Variants in MROH1 observed in about 807,000 individuals in gnomAD.
MROH1 encodes maestro heat-like repeat-containing protein family member 1.
A neutral mutation model predicts 116.5 loss-of-function variants in MROH1; 117 were observed. The observed-to-expected ratio is 1.00, with a 90% CI of 0.86 to 1.17. MROH1 has a LOEUF of 1.17. Ranked by LOEUF, MROH1 falls within the 50% of genes most tolerant of loss-of-function variation. The probability of loss-of-function intolerance (pLI) is 0.00; values close to 1 mark genes in which losing one functional copy is unlikely to be tolerated. For synonymous variants in MROH1, 921 were observed against 583.9 expected, an observed-to-expected ratio of 1.58 and a Z score of -8.32; for missense variants, 1,873 against 1,338.5, an observed-to-expected ratio of 1.40 and a Z score of -6.23.
chr8:144,249,037 A>G lies in MROH1; in HGVS notation c.3273+8A>G. The G allele has an allele frequency of 1.7e-6, 1 of 591,632 alleles. No individual in the cohort carries two copies. The highest frequency in any genetic ancestry group is 2.2e-5 in the Admixed American group (1 of 44,624). The allele number at this position is 591,632 out of a possible 1,614,324, so 36.6% of individuals were successfully genotyped here. ...GGTGTGCTCCAGGAGAAGGTGGGAG[A>G]GGGCGGGGCGCGGGGGGTGCTCCAG... On this transcript the variant is annotated splice_region_variant and intron_variant, in intron 32 of 43. Transcript: ENST00000326134.
At chr8:144,185,400 T>C (rs960611413) in intron 7 of MROH1, among the ~76,000 whole-genome samples, 10 of 151,740 alleles carry the variant, frequency 6.6e-5, no homozygotes, top group African/African-American at 2.4e-4. Flanking sequence ...TATACCTAGT[T>C]CTTTGAAATA....
chr8:144,259,239 G>A lies in MROH1; in HGVS notation c.3930-1G>A. 1 of 713,532 alleles carries A rather than the reference G, an allele frequency of 1.4e-6. No individual in the cohort carries two copies. The highest frequency in any genetic ancestry group is 2.6e-6 in the Non-Finnish European group (1 of 384,840). The allele number at this position is 713,532 out of a possible 1,614,324, so 44.2% of individuals were successfully genotyped here. ...GCACCCTCAGCGGCCCCCTTTCCCAGGGCCATGGCTGAGCACGCAGGGCCC... is the reference window on the plus strand; with the variant it reads ...GCACCCTCAGCGGCCCCCTTTCCCAAGGCCATGGCTGAGCACGCAGGGCCC... On this transcript the variant is annotated splice_acceptor_variant, in intron 36 of 43. Coordinates refer to ENST00000326134, the MANE Select transcript of MROH1 (RefSeq NM_032450.3). LOFTEE classifies it high-confidence loss of function.
chr8:144,245,129 T>C (rs1588456925), intron 28 of MROH1, 27 bp from the exon 29 acceptor site: 2 of 778,608 alleles, frequency 2.6e-6, no homozygotes, highest in East Asian at 4.8e-5. Flanking sequence ...CTCTGAGCAG[T>C]ACCTGTGTGA....
intron 12 of MROH1, among the ~76,000 whole-genome samples, chr8:144,214,716 C>T (rs1442333697): frequency 2.0e-5 from 3 of 152,152 alleles, no homozygotes; most frequent in Non-Finnish European, 4.4e-5. Flanking sequence ...GGCAACTGCT[C>T]ATGGCTCATG....
intron 12 of MROH1, among the ~76,000 whole-genome samples, chr8:144,215,015 T>C (rs1462413785): frequency 6.6e-6 from 1 of 152,180 alleles, no homozygotes; most frequent in African/African-American, 2.4e-5. Context: ...CCCGCATTTA[T>C]TCTGGCCATG....
intron 13 of MROH1, among the ~76,000 whole-genome samples, chr8:144,221,624 G>A (rs1272212849): frequency 6.6e-6 from 1 of 151,976 alleles, no homozygotes; most frequent in Non-Finnish European, 1.5e-5. Context: ...CATCTGTTGC[G>A]GTGCTCCTTA....
chr8:144,164,481 T>G (rs927050743), intron 3 of MROH1, among the ~76,000 whole-genome samples: 1 of 151,520 alleles, frequency 6.6e-6, no homozygotes, highest in Non-Finnish European at 1.5e-5. Flanking sequence ...CATGGCTCAC[T>G]GCAGCCTCAA....
At chr8:144,219,399 C>A (rs539500112) in intron 12 of MROH1, among the ~76,000 whole-genome samples, 1 of 152,294 alleles carries the variant, frequency 6.6e-6, no homozygotes, top group East Asian at 1.9e-4. Flanking sequence ...CTCAAGTGAT[C>A]TGCCCACCTT....
intron 1 of MROH1, among the ~76,000 whole-genome samples, chr8:144,152,398 T>G (rs933233660): frequency 6.6e-6 from 1 of 152,056 alleles, no homozygotes. Context: ...AAAAAATTTT[T>G]TTTTTTTTTG....
chr8:144,196,056 C>T (rs1038733490), intron 10 of MROH1, among the ~76,000 whole-genome samples: 102 of 151,790 alleles, frequency 6.7e-4, no homozygotes, highest in African/African-American at 2.2e-3. Context: ...TTTGGGAGGC[C>T]GAGGCGGGCA....
At chr8:144,243,436 GCGGGTTCA>G in intron 24 of MROH1, 50 bp from the exon 25 acceptor site, 1 of 772,232 alleles carries the variant, frequency 1.3e-6, no homozygotes, top group Non-Finnish European at 2.4e-6. Flanking sequence ...GGGGGTATGC[GCGGGTTCA>G]GCCCTGGAGG....
At chr8:144,201,819 G>A (rs1053035130) in intron 12 of MROH1, among the ~76,000 whole-genome samples, 1 of 151,914 alleles carries the variant, frequency 6.6e-6, no homozygotes, top group Non-Finnish European at 1.5e-5. Context: ...TCAAGACCAG[G>A]CTGGCCAACA....
intron 29 of MROH1, 127 bp from the exon 30 acceptor site, chr8:144,247,174 G>C (rs1842060989): frequency 1.5e-6 from 1 of 673,436 alleles, no homozygotes; most frequent in South Asian, 1.6e-5. Context: ...GCCACACTGA[G>C]GGCCCAGGGC....
At chr8:144,220,870 C>G (rs1476604044) in intron 13 of MROH1, among the ~76,000 whole-genome samples, 197 bp downstream of exon 13, 2 of 152,162 alleles carry the variant, frequency 1.3e-5, no homozygotes, top group Non-Finnish European at 1.5e-5. Flanking sequence ...GGAAACAGTC[C>G]CCAAGGCCAC....
intron 13 of MROH1, among the ~76,000 whole-genome samples, chr8:144,221,755 A>G (rs1228208121): frequency 6.6e-6 from 1 of 152,136 alleles, no homozygotes; most frequent in Non-Finnish European, 1.5e-5. Flanking sequence ...CAGTCTGGGC[A>G]GTCTGAGACC....
chr8:144,216,292 G>A (rs1374054304), intron 12 of MROH1, among the ~76,000 whole-genome samples: 2 of 151,284 alleles, frequency 1.3e-5, no homozygotes, highest in Non-Finnish European at 2.9e-5. Context: ...GGTTAACACA[G>A]TGAAACCCCA....
At chr8:144,198,430 T>A (rs1394560959) in intron 10 of MROH1, among the ~76,000 whole-genome samples, 1 of 152,142 alleles carries the variant, frequency 6.6e-6, no homozygotes, top group Non-Finnish European at 1.5e-5. Flanking sequence ...TGTTTGTTCA[T>A]TTGTTTGAGA....
chr8:144,242,587 C>G lies in MROH1; in HGVS notation c.2326-15C>G. 2.6e-6 allele frequency: 2 copies of G among 780,286 alleles called. No homozygotes were observed. Among genetic ancestry groups the G allele is most frequent in the Non-Finnish European group, 4.8e-6 (2 of 417,644 alleles). 48.3% of individuals were successfully genotyped at this position (780,286 alleles called of 1,614,324 possible). ...GGGAGTCACGTCTTAACTCATTTCA[C>G]TTTTTGTTGTTCAGGTTCTAGGAAT... is the stretch of plus-strand genomic sequence containing the variant. On this transcript the variant is annotated splice_polypyrimidine_tract_variant and intron_variant, in intron 23 of 43. Coordinates refer to ENST00000326134, the MANE Select transcript of MROH1 (RefSeq NM_032450.3).
chr8:144,219,808 A>G (rs558955904), intron 12 of MROH1, among the ~76,000 whole-genome samples: 2 of 152,338 alleles, frequency 1.3e-5, no homozygotes, highest in Non-Finnish European at 2.9e-5. Flanking sequence ...TGTTCTACCC[A>G]GGTGTGCCTG....
Sources: gnomAD v4.1 joint callset for allele counts (sites outside exome capture counted in the v4.1 genomes callset) on GRCh38, gnomAD v4.1.1 for gene constraint, MANE v1.5 for transcripts, NCBI Gene and HGNC (gene_info 2026-07-23, HGNC 2026-07-21) for gene names.